The following ILDR2 variants were observed in gnomAD, a reference collection of about 807,000 sequenced individuals.
ILDR2 encodes the protein immunoglobulin-like domain-containing receptor 2.
Under a neutral mutation model 66.8 loss-of-function variants are expected in ILDR2, and 25 were observed. That is an observed-to-expected ratio of 0.37 (90% confidence interval 0.27 to 0.52). The LOEUF is 0.52. ILDR2 is among the 20% of genes least tolerant of loss of function. The probability of loss-of-function intolerance (pLI) is 0.88; values close to 1 mark genes in which losing one functional copy is unlikely to be tolerated. For missense variants in ILDR2, 827 were observed against 876.8 expected, an observed-to-expected ratio of 0.94 and a Z score of 0.72; for synonymous variants, 367 against 357.2, an observed-to-expected ratio of 1.03 and a Z score of -0.31.
rs1659395203 is a variant in ILDR2, at chr1:166,908,585, T to G, written c.*10770A>C. The G allele has an allele frequency of 6.6e-6, 1 of 152,214 alleles. No homozygotes were observed. The highest frequency in any genetic ancestry group is 1.9e-4 in the East Asian group (1 of 5,194). 9.4% of individuals were successfully genotyped at this position (152,214 alleles called of 1,614,324 possible). ...CACCTTGCCCAGCATTAAGTATTTT[T>G]CTTGAAACTGTCTGGAACCTCTAAC... On this transcript the variant is annotated 3_prime_UTR_variant, in exon 10 of 10. Coordinates refer to ENST00000271417, the MANE Select transcript of ILDR2 (RefSeq NM_199351.3).
chr1:166,922,864 AG>A (rs1660041440), intron 7 of ILDR2, 55 bp from the exon 8 acceptor site: 3 of 1,473,534 alleles, frequency 2.0e-6, no homozygotes, highest in Non-Finnish European at 2.8e-6. Flanking sequence ...TGTTTTAGAC[AG>A]GAAGAGAATC....
chr1:166,919,106 ACT>A lies in ILDR2; in HGVS notation c.*247_*248del, dbSNP rs1432381242. ...GCAGGATAAACGCTATAGTTGAGAA[ACT>A]CTGTATGTAGGAATGTTCTCACACA... On this transcript the variant is annotated 3_prime_UTR_variant, in exon 10 of 10. Coordinates refer to ENST00000271417, the MANE Select transcript of ILDR2 (RefSeq NM_199351.3). 2 of 518,348 alleles carry A rather than the reference ACT, an allele frequency of 3.9e-6. No homozygotes were observed. Among genetic ancestry groups the A allele is most frequent in the South Asian group, 6.4e-5 (2 of 31,152 alleles). The allele number at this position is 518,348 out of a possible 1,614,324, so 32.1% of individuals were successfully genotyped here.
chr1:166,911,436 A>G lies in ILDR2; in HGVS notation c.*7919T>C, dbSNP rs1659470960. 1 of 152,228 alleles carries G rather than the reference A, an allele frequency of 6.6e-6. No individual in the cohort carries two copies. Among genetic ancestry groups the G allele is most frequent in the South Asian group, 2.1e-4 (1 of 4,836 alleles). 9.4% of individuals were successfully genotyped at this position (152,228 alleles called of 1,614,324 possible). ...AATGTAAGGCAGATAAGGAGCAAGA[A>G]AGGTTTTTCTTGACTGGCACAATGT... is the stretch of plus-strand genomic sequence containing the variant. On this transcript the variant is annotated 3_prime_UTR_variant, in exon 10 of 10. Transcript: ENST00000271417.
Position 166,945,220 on chromosome 1 carries a change from T to C in ILDR2, c.500-5650A>G, listed in dbSNP as rs1661546054. ...GGAGCATTCTCCAGTCATTGGAATA[T>C]CCCCAAATGCCATCTTGCTATCTAA... On this transcript the variant is annotated intron_variant, in intron 3 of 9. Transcript: ENST00000271417. Among the ~76,000 whole-genome samples the C allele has an allele frequency of 2.6e-5, 4 of 152,130 alleles. No individual in the cohort carries two copies. The South Asian group carries it at 8.3e-4, about 32-fold the overall frequency.
intron 2 of ILDR2, among the ~76,000 whole-genome samples, chr1:166,896,635 C>CTT (rs71753303): frequency 2.0e-4 from 26 of 131,504 alleles, no homozygotes; most frequent in African/African-American, 5.1e-4. Context: ...ACTTCATCTA[C>CTT]TTTTTTTTTT....
At chr1:166,951,595 A>G (rs1215053383) in intron 3 of ILDR2, among the ~76,000 whole-genome samples, 2 of 152,178 alleles carry the variant, frequency 1.3e-5, no homozygotes, top group Non-Finnish European at 2.9e-5. Context: ...TTTTGTTTGA[A>G]ATTTTTACAA....
intron 4 of ILDR2, among the ~76,000 whole-genome samples, chr1:166,937,093 T>C (rs1208418820): frequency 2.0e-5 from 3 of 152,172 alleles, no homozygotes; most frequent in Admixed American, 2.0e-4. Flanking sequence ...GAATCCTGGC[T>C]GGGGGGAAGG....
downstream of ILDR2, among the ~76,000 whole-genome samples, chr1:166,904,956 G>GA (rs1351984996): frequency 2.0e-5 from 3 of 152,182 alleles, no homozygotes; most frequent in East Asian, 3.9e-4. Flanking sequence ...AACTGCAAAA[G>GA]AAAAAATCCC....
chr1:166,921,355 C>T lies in ILDR2; in HGVS notation c.1236G>A (p.Met412Ile). Residue 412 changes from methionine to isoleucine, a missense_variant, in exon 9 of 10, where the codon ATG becomes ATA. Met to Ile is a conservative substitution (Grantham distance 10). Coordinates refer to ENST00000271417, the MANE Select transcript of ILDR2 (RefSeq NM_199351.3). The surrounding 1 kb of genome is among the most constrained non-coding windows in gnomAD (Gnocchi z 5.3). ...RHSQPRSKSEMLSRKNFATGV... is the reference protein window; with the variant it reads ...RHSQPRSKSEILSRKNFATGV... Reference sequence around the variant, plus strand: ...CCGTGGCGAAGTTCTTCCGCGACAGCATCTCCGACTTGGAGCGCGGCTGGC... The same window carrying T: ...CCGTGGCGAAGTTCTTCCGCGACAGTATCTCCGACTTGGAGCGCGGCTGGC... The T allele has an allele frequency of 6.3e-7, 1 of 1,576,896 alleles. No homozygotes were observed. The highest frequency in any genetic ancestry group is 8.6e-7 in the Non-Finnish European group (1 of 1,157,300).
chr1:166,951,468 G>C (rs541259703), intron 3 of ILDR2, among the ~76,000 whole-genome samples: 1 of 152,314 alleles, frequency 6.6e-6, no homozygotes, highest in South Asian at 2.1e-4. Context: ...TCTGTTACCA[G>C]AGTTCCCCTA....
At position 166,917,899 on chromosome 1, in the gene ILDR2, A is replaced by G. The variant is rs1659705134; in HGVS notation, c.*1456T>C. ...AGGATAGTCCAGGCTTGTTCACCTG[A>G]TGGTAGTTGCAAGGTTCCCAAGAGC... On this transcript the variant is annotated 3_prime_UTR_variant, in exon 10 of 10. Transcript: ENST00000271417. 1.3e-5 allele frequency: 2 copies of G among 152,086 alleles called. No homozygotes were observed. The highest frequency in any genetic ancestry group is 2.9e-5 in the Non-Finnish European group (2 of 68,020). The allele number at this position is 152,086 out of a possible 1,614,324, so 9.4% of individuals were successfully genotyped here.
intron 2 of ILDR2, among the ~76,000 whole-genome samples, chr1:166,897,145 A>T (rs1054199853): frequency 3.1e-4 from 47 of 152,204 alleles, no homozygotes; most frequent in African/African-American, 1.1e-3. Context: ...TACAACTAGC[A>T]GTAAGGTGAC....
At chr1:166,967,029 C>CT (rs1662994851) in intron 1 of ILDR2, among the ~76,000 whole-genome samples, 2 of 152,234 alleles carry the variant, frequency 1.3e-5, no homozygotes, top group Admixed American at 6.5e-5. Flanking sequence ...CTCCTTCTTC[C>CT]TTTCAGTAAT....
At chr1:166,927,458 C>T (rs566725253) in intron 6 of ILDR2, among the ~76,000 whole-genome samples, 1 of 152,268 alleles carries the variant, frequency 6.6e-6, no homozygotes, top group Admixed American at 6.5e-5. Flanking sequence ...ATCTTTTGAC[C>T]TCTTACAGCT....
intron 2 of ILDR2, among the ~76,000 whole-genome samples, chr1:166,898,831 G>T (rs536747856): frequency 3.3e-5 from 5 of 151,646 alleles, no homozygotes; most frequent in African/African-American, 4.9e-5. Context: ...AGGCCAAAGT[G>T]GTAGATTGCT....
chr1:166,932,190 A>G (rs1660679735), intron 6 of ILDR2, among the ~76,000 whole-genome samples: 1 of 152,244 alleles, frequency 6.6e-6, no homozygotes, highest in African/African-American at 2.4e-5. Context: ...CAGAGTGGCA[A>G]ATGCTTTTGA....
chr1:166,956,562 T>C (rs560678289), intron 3 of ILDR2, among the ~76,000 whole-genome samples, 171 bp downstream of exon 3: 96 of 152,144 alleles, frequency 6.3e-4, no homozygotes, highest in African/African-American at 2.1e-3. Flanking sequence ...TAAGACATAA[T>C]AAGTACAGCT....
downstream of ILDR2, among the ~76,000 whole-genome samples, chr1:166,905,522 G>A (rs1228645902): frequency 6.6e-6 from 1 of 152,204 alleles, no homozygotes; most frequent in African/African-American, 2.4e-5. Context: ...CAGAGATTAA[G>A]TAGCTTTCTC....
intron 3 of ILDR2, among the ~76,000 whole-genome samples, chr1:166,949,061 C>T (rs913010282): frequency 6.6e-6 from 1 of 152,230 alleles, no homozygotes; most frequent in Non-Finnish European, 1.5e-5. Flanking sequence ...GGACTTTATC[C>T]AATATCCAGA....
Sources: gnomAD v4.1 joint callset for allele counts (sites outside exome capture counted in the v4.1 genomes callset) on GRCh38, gnomAD v4.1.1 for gene constraint, Gnocchi (gnomAD v3.1) non-coding constraint, MANE v1.5 for transcripts, NCBI Gene and HGNC (gene_info 2026-07-23, HGNC 2026-07-21) for gene names.